GRM7: variants seen among roughly 807,000 people sequenced by gnomAD.
GRM7 encodes glutamate metabotropic receptor 7, also known as metabotropic glutamate receptor 7.
In GRM7, 35 loss-of-function variants were observed where a neutral mutation model predicts 84.5. The observed-to-expected ratio is 0.41, with a 90% CI of 0.32 to 0.55. The LOEUF is 0.55. GRM7 is among the 20% of genes least tolerant of loss of function. The probability of loss-of-function intolerance (pLI) is 0.19; values close to 1 mark genes in which losing one functional copy is unlikely to be tolerated. For missense variants in GRM7, 1,003 were observed against 1,194.6 expected (o/e 0.84, Z 2.36); for synonymous variants, 487 against 455.1 (o/e 1.07, Z -0.89).
At position 7,253,037 on chromosome 3, in the gene GRM7, A is replaced by AG. The variant is rs869029150; in HGVS notation, c.737-45645dup. Among the ~76,000 whole-genome samples the AG allele has an allele frequency of 8.1e-5, 12 of 147,310 alleles. 2 individuals carry two copies. Among genetic ancestry groups the AG allele is most frequent in the Admixed American group, 2.0e-4 (3 of 14,856 alleles). On this transcript the variant is annotated intron_variant, in intron 2 of 9. Transcript: ENST00000357716. Reference sequence around the variant, plus strand: ...TAAAAAAAAAAAAAAAAAAAAAAAAAGGAGAGAGTTGACTTCACAGGAATA... The same window carrying AG: ...TAAAAAAAAAAAAAAAAAAAAAAAAAGGGAGAGAGTTGACTTCACAGGAATA...
At chr3:6,989,939 C>G (rs1694571007) in intron 1 of GRM7, among the ~76,000 whole-genome samples, 1 of 152,240 alleles carries the variant, frequency 6.6e-6, no homozygotes, top group East Asian at 1.9e-4. Context: ...GAAATGTGAA[C>G]AGCTGTTGCT....
chr3:7,630,356 A>T (rs1697812553), intron 8 of GRM7, among the ~76,000 whole-genome samples: 1 of 152,184 alleles, frequency 6.6e-6, no homozygotes, highest in Non-Finnish European at 1.5e-5. Context: ...CAGCTGTCAC[A>T]GTATTTTCAA....
chr3:7,680,989 T>C (rs1293695888), intron 9 of GRM7: 2 of 152,306 alleles, frequency 1.3e-5, no homozygotes, highest in African/African-American at 4.8e-5. Flanking sequence ...CCTTTAGTCA[T>C]GCATGCAAAT....
At chr3:7,415,802 A>C (rs546274117) in intron 5 of GRM7, among the ~76,000 whole-genome samples, 306 of 152,210 alleles carry the variant, frequency 2.0e-3, no homozygotes, top group Middle Eastern at 3.4e-3. Flanking sequence ...CTAAGTGAGA[A>C]TCCTCCCTCT....
At chr3:6,993,693 G>GCTAA (rs945857780) in intron 1 of GRM7, among the ~76,000 whole-genome samples, 1 of 152,214 alleles carries the variant, frequency 6.6e-6, no homozygotes, top group Non-Finnish European at 1.5e-5. Flanking sequence ...CAGCATTCAA[G>GCTAA]CTAAGCAACT....
At chr3:6,875,991 G>C (rs1471596196) in intron 1 of GRM7, among the ~76,000 whole-genome samples, 1 of 152,124 alleles carries the variant, frequency 6.6e-6, no homozygotes, top group Non-Finnish European at 1.5e-5. Flanking sequence ...GGCATGGCCG[G>C]GCGTAGTGGC....
intron 2 of GRM7, among the ~76,000 whole-genome samples, chr3:7,228,807 G>A (rs1003753613): frequency 1.3e-5 from 2 of 152,118 alleles, no homozygotes; most frequent in South Asian, 4.1e-4. Flanking sequence ...CTTTTCCATT[G>A]TAGATAAAAT....
chr3:6,928,456 G>A lies in GRM7; in HGVS notation c.519+66549G>A, dbSNP rs1416483767. Among the ~76,000 whole-genome samples the A allele has an allele frequency of 6.6e-6, 1 of 152,114 alleles. No individual in the cohort carries two copies. The highest frequency in any genetic ancestry group is 1.5e-5 in the Non-Finnish European group (1 of 68,032). The stretch of plus-strand genomic sequence containing the variant: ...GCAAAATCTGAGAAAGGATTTAAAT[G>A]TGAAAGTCATTATGCAAATGATAAA... On this transcript the variant is annotated intron_variant, in intron 1 of 9. Transcript: ENST00000357716. This position sits in a 1 kb window ranked among gnomAD's most constrained non-coding sequence, Gnocchi z 4.5.
intron 4 of GRM7, among the ~76,000 whole-genome samples, chr3:7,326,850 G>A (rs978884887): frequency 2.0e-5 from 3 of 147,508 alleles, no homozygotes; most frequent in African/African-American, 7.4e-5. Flanking sequence ...AAAAAAAAAA[G>A]TTTATCCCAA....
intron 1 of GRM7, among the ~76,000 whole-genome samples, chr3:6,955,708 G>A (rs1472825957): frequency 1.3e-5 from 2 of 151,808 alleles, no homozygotes; most frequent in Admixed American, 6.6e-5. Flanking sequence ...TGGGTGTCAT[G>A]GCACATGGCT....
intron 2 of GRM7, among the ~76,000 whole-genome samples, chr3:7,169,153 G>C (rs575190370): frequency 6.6e-6 from 1 of 152,108 alleles, no homozygotes; most frequent in South Asian, 2.1e-4. Flanking sequence ...AATCTTCCTA[G>C]ACTGAAATCA....
chr3:7,262,278 A>C (rs1421881236), intron 2 of GRM7, among the ~76,000 whole-genome samples: 3 of 151,966 alleles, frequency 2.0e-5, no homozygotes, highest in Non-Finnish European at 4.4e-5. Flanking sequence ...CATTTCTCAG[A>C]GGTTTTCTTT....
intron 4 of GRM7, among the ~76,000 whole-genome samples, chr3:7,361,343 C>G (rs1332079708): frequency 1.3e-5 from 2 of 152,048 alleles, no homozygotes; most frequent in Non-Finnish European, 2.9e-5. Context: ...CAAAAAAGAA[C>G]AAAGCAAGTC....
At chr3:7,145,371 A>T (rs1197792132) in intron 1 of GRM7, among the ~76,000 whole-genome samples, 1 of 152,158 alleles carries the variant, frequency 6.6e-6, no homozygotes, top group Non-Finnish European at 1.5e-5. Context: ...GAAGGGAACA[A>T]ATGTTACGGT....
chr3:7,076,853 A>G (rs542619856), intron 1 of GRM7, among the ~76,000 whole-genome samples: 101 of 152,324 alleles, frequency 6.6e-4, no homozygotes, highest in African/African-American at 2.1e-3. Flanking sequence ...GCTACTATCC[A>G]GAATCTACAA....
intron 2 of GRM7, among the ~76,000 whole-genome samples, chr3:7,234,446 T>C (rs1697287494): frequency 6.6e-6 from 1 of 152,202 alleles, no homozygotes; most frequent in African/African-American, 2.4e-5. Context: ...AGTAATAAAG[T>C]ATCTGCCTCA....
chr3:6,999,030 G>A (rs1227012474), intron 1 of GRM7, among the ~76,000 whole-genome samples: 1 of 152,168 alleles, frequency 6.6e-6, no homozygotes, highest in Non-Finnish European at 1.5e-5. Context: ...ATTCTCCCCA[G>A]AAAATGGGTT....
rs1008192147 is a variant in GRM7 at position 6,902,638 on chromosome 3, A to G, written c.519+40731A>G. 1.2e-4 allele frequency among the ~76,000 whole-genome samples: 19 copies of G among 152,288 alleles called. 1 individual carries two copies. Among genetic ancestry groups the G allele is most frequent in the Admixed American group, 7.2e-4 (11 of 15,284 alleles). ...AAGATTTAGTCTTTCAAAGACTTTT[A>G]TAAGAAAACAAAAATATATTATTTC... On this transcript the variant is annotated intron_variant, in intron 1 of 9. Transcript: ENST00000357716.
At chr3:7,394,895 A>C (rs1211061525) in intron 4 of GRM7, among the ~76,000 whole-genome samples, 2 of 152,050 alleles carry the variant, frequency 1.3e-5, no homozygotes, top group African/African-American at 4.8e-5. Flanking sequence ...AAAATTAGCC[A>C]GGCGTGGTGG....
Sources: gnomAD v4.1 joint callset for allele counts (sites outside exome capture counted in the v4.1 genomes callset) on GRCh38, gnomAD v4.1.1 for gene constraint, Gnocchi (gnomAD v3.1) non-coding constraint, MANE v1.5 for transcripts, NCBI Gene and HGNC (gene_info 2026-07-23, HGNC 2026-07-21) for gene names.